Variants in TMEM145 observed in about 807,000 individuals in gnomAD.
TMEM145 encodes the protein transmembrane protein 145.
Under a neutral mutation model 68.5 loss-of-function variants are expected in TMEM145, and 46 were observed. The observed-to-expected ratio is 0.67, with a 90% CI of 0.53 to 0.86. The LOEUF (loss-of-function observed/expected upper bound fraction) is 0.86, where lower values mean the gene tolerates loss of function less well. Among genes scored for constraint, TMEM145 ranks in the 40% least tolerant of loss-of-function variants. The pLI, the probability that TMEM145 is intolerant of heterozygous loss-of-function variation, is 0.00. For synonymous variants in TMEM145, 255 were observed against 280.2 expected (o/e 0.91, Z 0.90); for missense variants, 570 against 645.8 (o/e 0.88, Z 1.27).
chr19:42,317,110 G>A (rs2038867211), intron 11 of TMEM145, 147 bp downstream of exon 11: 2 of 691,386 alleles, frequency 2.9e-6, no homozygotes, highest in South Asian at 3.4e-5. Context: ...TTTCCCATCT[G>A]TCTAAGTGAT....
intron 12 of TMEM145, 65 bp downstream of exon 12, chr19:42,317,946 C>T: frequency 6.3e-7 from 1 of 1,580,164 alleles, no homozygotes; most frequent in South Asian, 1.1e-5. Flanking sequence ...AGTGGTTGCC[C>T]CCCATCTCAG....
At chr19:42,318,702 A>C (rs983272425) in intron 12 of TMEM145, among the ~76,000 whole-genome samples, 8 of 151,566 alleles carry the variant, frequency 5.3e-5, no homozygotes, top group African/African-American at 1.9e-4. Context: ...AAAAAAAAAA[A>C]CAGGATCTCC....
chr19:42,324,484 C>G, intron 14 of TMEM145: 1 of 985,414 alleles, frequency 1.0e-6, no homozygotes, highest in Non-Finnish European at 1.2e-6. Flanking sequence ...TCACCGAATA[C>G]TTCAGCATGC....
At chr19:42,324,021 G>A (rs994599675) in intron 14 of TMEM145, among the ~76,000 whole-genome samples, 2 of 151,530 alleles carry the variant, frequency 1.3e-5, no homozygotes, top group African/African-American at 2.4e-5. Flanking sequence ...TCCCTGCGCC[G>A]TGCCCCCACC....
At chr19:42,323,135 C>G (rs2147425590) in intron 13 of TMEM145, among the ~76,000 whole-genome samples, 1 of 152,326 alleles carries the variant, frequency 6.6e-6, no homozygotes, top group African/African-American at 2.4e-5. Context: ...TCCAATTGAA[C>G]TTTCTGTATT....
Position 42,320,312 on chromosome 19 carries a change from T to G in TMEM145, c.1074-5T>G. 1.2e-6 allele frequency: 2 copies of G among 1,613,866 alleles called. No individual in the cohort carries two copies. The highest frequency in any genetic ancestry group is 1.7e-6 in the Non-Finnish European group (2 of 1,180,006). ...GTCTCTACTGACCCAATACTTCCCC[T>G]TCAGGTTCTTTGCGGTTCCTGTCAT... On this transcript the variant is annotated splice_polypyrimidine_tract_variant and splice_region_variant and intron_variant, in intron 12 of 14. Transcript: ENST00000301204.
At chr19:42,317,209 A>G (rs1242810438) in intron 11 of TMEM145, among the ~76,000 whole-genome samples, 1 of 152,132 alleles carries the variant, frequency 6.6e-6, no homozygotes, top group Non-Finnish European at 1.5e-5. Flanking sequence ...TATCGTGACT[A>G]AGAGTTCAGG....
At position 42,317,872 on chromosome 19, in the gene TMEM145, A is replaced by G. The variant is rs376219157; in HGVS notation, c.1064A>G (p.Tyr355Cys). 4.3e-5 allele frequency: 69 copies of G among 1,613,778 alleles called. No individual in the cohort carries two copies. The highest frequency in any genetic ancestry group is 5.6e-5 in the Non-Finnish European group (66 of 1,179,974). ...TTTTATGTGCCCTTCTTTGCTGCCT[A>G]TACCCTCTGGTGAGAATTGGTGGGC... ...QPFYVPFFAAYTLWFFAVPVM... is the reference protein window; with the variant it reads ...QPFYVPFFAACTLWFFAVPVM... The change falls in exon 12 of 15, where the codon TAT (tyrosine) becomes TGT (cysteine). Residue 355 changes from tyrosine (Y) to cysteine (C), a missense_variant. Coordinates refer to ENST00000301204, the MANE Select transcript of TMEM145 (RefSeq NM_173633.3).
At chr19:42,316,806 G>A (rs1599980929) in intron 10 of TMEM145, 64 bp from the exon 11 acceptor site, 2 of 1,607,014 alleles carry the variant, frequency 1.2e-6, no homozygotes, top group Non-Finnish European at 8.5e-7. Context: ...GGGTTGGGGG[G>A]CTGGGTGCAT....
At chr19:42,320,460 G>A in intron 13 of TMEM145, 23 bp downstream of exon 13, 1 of 1,613,388 alleles carries the variant, frequency 6.2e-7, no homozygotes, top group South Asian at 1.1e-5. Context: ...ATCTGTGGGG[G>A]GTGGAGGGGA....
chr19:42,320,379 A>G lies in TMEM145; in HGVS notation c.1136A>G (p.Glu379Gly), dbSNP rs1248142585. Residue 379 changes from glutamate (E) to glycine (G), a missense_variant, in exon 13 of 15, where the codon GAG (glutamate) becomes GGG (glycine). Physicochemically the swap from Glu to Gly is moderately conservative, Grantham distance 98 (BLOSUM62 -2). Coordinates refer to ENST00000301204, the MANE Select transcript of TMEM145 (RefSeq NM_173633.3). ...ANFGIPKWAR[E>G]KIVNGIQLGI... ...TTCGGCATCCCCAAGTGGGCCCGGG[A>G]GAAGATTGTCAATGGCATCCAGCTG... 1 of 1,613,990 alleles carries G rather than the reference A, an allele frequency of 6.2e-7. No homozygotes were observed.
chr19:42,317,000 C>G, intron 11 of TMEM145, 37 bp downstream of exon 11: 1 of 1,589,360 alleles, frequency 6.3e-7, no homozygotes, highest in Non-Finnish European at 8.6e-7. Flanking sequence ...CCCTGCCTTC[C>G]CCTGCTTTTG....
In TMEM145 at chr19:42,314,274, C is replaced by CT; in HGVS notation, c.124dup (p.Trp42LeufsTer24). 2 of 1,614,010 alleles carry CT rather than the reference C, an allele frequency of 1.2e-6. No individual in the cohort carries two copies. The highest frequency in any genetic ancestry group is 1.7e-6 in the Non-Finnish European group (2 of 1,180,002). On this transcript the variant is annotated frameshift_variant, in exon 2 of 15. Coordinates refer to ENST00000301204, the MANE Select transcript of TMEM145 (RefSeq NM_173633.3). LOFTEE classifies it high-confidence loss of function. ...GTCAGACTGGGCCCCTTTTTCAGGA[C>CT]TGGGTGTTCCTGACAAGATTTTGTT...
At position 42,313,402 on chromosome 19, in the gene TMEM145, T is replaced by G; in HGVS notation, c.26T>G (p.Leu9Arg). The G allele has an allele frequency of 7.4e-7, 1 of 1,347,080 alleles. No homozygotes were observed. Among genetic ancestry groups the G allele is most frequent in the Non-Finnish European group, 9.5e-7 (1 of 1,047,154 alleles). 83.4% of individuals were successfully genotyped at this position (1,347,080 alleles called of 1,614,324 possible). A position where few individuals can be genotyped will look rare whatever the true frequency, so the allele number is the denominator to read the frequency against. MEPLRAPA[L>R]RRLLPPLLLL... ...ATGGAGCCCCTGCGCGCGCCCGCGCTGCGCCGCCTGCTGCCGCCGCTGCTG... is the reference window on the plus strand; with the variant it reads ...ATGGAGCCCCTGCGCGCGCCCGCGCGGCGCCGCCTGCTGCCGCCGCTGCTG... Residue 9 changes from leucine to arginine, a missense_variant, in exon 1 of 15, where the codon CTG (leucine) becomes CGG (arginine). Transcript: ENST00000301204. The surrounding 1 kb of genome is among the most constrained non-coding windows in gnomAD (Gnocchi z 5.1).
chr19:42,323,302 C>A (rs1568549998), intron 13 of TMEM145, among the ~76,000 whole-genome samples: 1 of 152,150 alleles, frequency 6.6e-6, no homozygotes, highest in African/African-American at 2.4e-5. Flanking sequence ...CTACATGCAG[C>A]CAGTGGCTAT....
chr19:42,321,386 G>GT (rs751803295), intron 13 of TMEM145: 13,671 of 159,538 alleles, frequency 0.086, 306 homozygotes, highest in Middle Eastern at 0.11. Context: ...CGGTTAAGTG[G>GT]TTTTTTTTTT....
intron 12 of TMEM145, among the ~76,000 whole-genome samples, chr19:42,319,947 C>T (rs1427075413): frequency 2.6e-5 from 4 of 151,222 alleles, no homozygotes; most frequent in South Asian, 2.1e-4. Flanking sequence ...TTAATAGAGA[C>T]GGGGTGTCAC....
chr19:42,324,912 G>A lies in TMEM145; in HGVS notation c.*95G>A. The A allele has an allele frequency of 7.4e-7, 1 of 1,345,510 alleles. No individual in the cohort carries two copies. 83.3% of individuals were successfully genotyped at this position (1,345,510 alleles called of 1,614,324 possible). A position where few individuals can be genotyped will look rare whatever the true frequency, so the allele number is the denominator to read the frequency against. ...CCCCGGGATGGATATTGCGATGCTG[G>A]TCTCGACCCTGAAACCCTCCCTCGG... On this transcript the variant is annotated 3_prime_UTR_variant, in exon 15 of 15. Transcript: ENST00000301204.
intron 14 of TMEM145, 112 bp downstream of exon 14, chr19:42,323,901 C>G (rs1346978305): frequency 1.0e-6 from 1 of 971,022 alleles, no homozygotes; most frequent in Non-Finnish European, 1.5e-6. Flanking sequence ...GAGCCCTCCT[C>G]CTGCCTTTCG....
Sources: allele counts gnomAD v4.1 joint callset (sites outside exome capture counted in the v4.1 genomes callset), GRCh38; gene constraint gnomAD v4.1.1; non-coding constraint Gnocchi (gnomAD v3.1); transcripts MANE v1.5; gene names NCBI Gene and HGNC (gene_info 2026-07-23, HGNC 2026-07-21).